The following SEMA5A variants were observed in gnomAD, a reference collection of about 807,000 sequenced individuals.
The protein encoded by SEMA5A is semaphorin-5A.
SEMA5A carries 55 observed loss-of-function variants against 135.5 expected under a neutral mutation model. The observed-to-expected ratio is 0.41, with a 90% CI of 0.33 to 0.51. SEMA5A has a LOEUF of 0.51. Among genes scored for constraint, SEMA5A ranks in the 20% least tolerant of loss-of-function variants. The probability of loss-of-function intolerance (pLI) is 0.37; values close to 1 mark genes in which losing one functional copy is unlikely to be tolerated. For synonymous variants in SEMA5A, 580 were observed against 546.5 expected (o/e 1.06, Z -0.85); for missense variants, 1,290 against 1,419.9 (o/e 0.91, Z 1.47).
intron 18 of SEMA5A, 148 bp from the exon 19 acceptor site, chr5:9,054,405 C>T (rs551056397): frequency 4.0e-5 from 39 of 975,432 alleles, no homozygotes; most frequent in South Asian, 3.2e-4. Context: ...CATAGGCACA[C>T]GTAGCAACAA....
intron 3 of SEMA5A, among the ~76,000 whole-genome samples, chr5:9,376,161 T>A (rs1360488572): frequency 1.3e-5 from 2 of 152,194 alleles, no homozygotes; most frequent in Non-Finnish European, 2.9e-5. Context: ...GCCGGCATTT[T>A]GTCATCCTCC....
intron 3 of SEMA5A, among the ~76,000 whole-genome samples, chr5:9,366,002 C>T (rs1250983833): frequency 6.6e-6 from 1 of 152,192 alleles, no homozygotes; most frequent in Non-Finnish European, 1.5e-5. Flanking sequence ...AGACAATGAA[C>T]ATCCTTATGA....
intron 5 of SEMA5A, among the ~76,000 whole-genome samples, chr5:9,296,085 T>TA (rs1751320791): frequency 6.6e-6 from 1 of 152,172 alleles, no homozygotes; most frequent in Non-Finnish European, 1.5e-5. Context: ...ACTAAGGACT[T>TA]AAAATCACAA....
chr5:9,315,787 T>A (rs1398498204), intron 5 of SEMA5A, among the ~76,000 whole-genome samples: 1 of 152,192 alleles, frequency 6.6e-6, no homozygotes, highest in Non-Finnish European at 1.5e-5. Context: ...GCTGGTGAAG[T>A]TCCCCTTGAC....
At chr5:9,189,648 C>G (rs1057006608) in intron 11 of SEMA5A, among the ~76,000 whole-genome samples, 8 of 152,190 alleles carry the variant, frequency 5.3e-5, no homozygotes, top group Non-Finnish European at 8.8e-5. Flanking sequence ...CAGGTCCCTA[C>G]AGCTGGCCTC....
intron 1 of SEMA5A, among the ~76,000 whole-genome samples, chr5:9,472,951 A>C (rs1348075757): frequency 6.6e-6 from 1 of 150,536 alleles, no homozygotes; most frequent in Non-Finnish European, 1.5e-5. Context: ...TAAAAGCAGA[A>C]TTTTAACAAC....
rs1321732380 is a variant in SEMA5A, at chr5:9,226,938, A to G, written c.363T>C (p.Leu121=). 5 of 1,574,228 alleles carry G rather than the reference A, an allele frequency of 3.2e-6. No individual in the cohort carries two copies. The highest frequency in any genetic ancestry group is 1.8e-5 in the Admixed American group (1 of 56,520). Residue 121 remains leucine (L), a synonymous_variant, in exon 7 of 23, where the codon CTT becomes CTC. Transcript: ENST00000382496. The stretch of plus-strand genomic sequence containing the variant: ...TGAATAACCGGTCGCCACCCACCAG[A>G]AGCACCCGGATGTAGTTCTGACATT... The part of the protein sequence containing the change: ...KEECQNYIRV[L]LVGGDRLFTC...
chr5:9,210,603 G>T (rs569054080), intron 8 of SEMA5A, among the ~76,000 whole-genome samples: 19 of 152,262 alleles, frequency 1.2e-4, no homozygotes, highest in African/African-American at 4.1e-4. Flanking sequence ...TTCCTAAAGT[G>T]CCAACTAAAC....
chr5:9,077,875 T>C (rs1321308492), intron 16 of SEMA5A, among the ~76,000 whole-genome samples: 1 of 152,260 alleles, frequency 6.6e-6, no homozygotes, highest in Non-Finnish European at 1.5e-5. Context: ...TGTATGTATG[T>C]GCACAACATA....
chr5:9,038,726 T>C lies in SEMA5A; in HGVS notation c.*4171A>G, dbSNP rs1389743954. On this transcript the variant is annotated 3_prime_UTR_variant, in exon 23 of 23. Transcript: ENST00000382496. ...GACATAGAGACCCCCCGCTAAGACTTTGTTCTTTTTTTTTTTTTTTGAGAC... is the reference window on the plus strand; with the variant it reads ...GACATAGAGACCCCCCGCTAAGACTCTGTTCTTTTTTTTTTTTTTTGAGAC... 1.3e-5 allele frequency: 1 copy of C among 77,020 alleles called. No individual in the cohort carries two copies. Among genetic ancestry groups the C allele is most frequent in the Admixed American group, 2.0e-4 (1 of 5,014 alleles). The allele number at this position is 77,020 out of a possible 1,614,324, so 4.8% of individuals were successfully genotyped here.
chr5:9,068,155 A>T (rs897340399), intron 16 of SEMA5A, among the ~76,000 whole-genome samples: 2 of 151,840 alleles, frequency 1.3e-5, no homozygotes, highest in East Asian at 1.9e-4. Flanking sequence ...GCTTTTTTGG[A>T]TCTCTATCTT....
intron 11 of SEMA5A, among the ~76,000 whole-genome samples, chr5:9,167,859 A>G (rs1017532676): frequency 3.9e-5 from 6 of 152,218 alleles, no homozygotes; most frequent in Admixed American, 1.3e-4. Flanking sequence ...GGGATACAGT[A>G]GGCCGTCAGT....
At chr5:9,109,079 C>T (rs1444905325) in intron 15 of SEMA5A, among the ~76,000 whole-genome samples, 1 of 111,546 alleles carries the variant, frequency 9.0e-6, no homozygotes, top group Non-Finnish European at 1.7e-5. Flanking sequence ...CTCGCTCTGT[C>T]GCCCAGGCTG....
At chr5:9,376,301 G>A (rs983490300) in intron 3 of SEMA5A, among the ~76,000 whole-genome samples, 2 of 152,120 alleles carry the variant, frequency 1.3e-5, no homozygotes, top group African/African-American at 2.4e-5. Flanking sequence ...CTTCCTGTGC[G>A]TGAGGCTTGC....
intron 1 of SEMA5A, among the ~76,000 whole-genome samples, chr5:9,476,865 C>G (rs1579603993): frequency 1.3e-5 from 2 of 152,024 alleles, no homozygotes; most frequent in East Asian, 3.9e-4. Context: ...TCACCTGCGG[C>G]CAGGAATTTG....
At chr5:9,467,174 G>A (rs1759293804) in intron 1 of SEMA5A, among the ~76,000 whole-genome samples, 1 of 152,078 alleles carries the variant, frequency 6.6e-6, no homozygotes, top group Non-Finnish European at 1.5e-5. Flanking sequence ...GTGCAGTGGT[G>A]TGATCTTGGC....
At chr5:9,190,122 T>C in intron 11 of SEMA5A, 145 bp downstream of exon 11, 1 of 722,314 alleles carries the variant, frequency 1.4e-6, no homozygotes, top group East Asian at 2.7e-5. Flanking sequence ...CTGAGGAAGA[T>C]AAGTGAGCAT....
intron 12 of SEMA5A, among the ~76,000 whole-genome samples, 164 bp downstream of exon 12, chr5:9,154,324 A>G (rs1046656583): frequency 2.6e-5 from 4 of 151,722 alleles, no homozygotes; most frequent in African/African-American, 9.7e-5. Context: ...ATCACAGTGA[A>G]TCTATTTTAA....
chr5:9,309,716 T>C (rs1719336886), intron 5 of SEMA5A, among the ~76,000 whole-genome samples: 1 of 152,152 alleles, frequency 6.6e-6, no homozygotes, highest in South Asian at 2.1e-4. Context: ...GGCGCAGTTG[T>C]TTTAATGGCA....
Sources: allele counts gnomAD v4.1 joint callset (sites outside exome capture counted in the v4.1 genomes callset), GRCh38; gene constraint gnomAD v4.1.1; transcripts MANE v1.5; gene names NCBI Gene and HGNC (gene_info 2026-07-23, HGNC 2026-07-21).